The following SYT16 variants were observed in gnomAD, a reference collection of about 807,000 sequenced individuals.
SYT16 encodes the protein synaptotagmin 16.
In SYT16, 42 loss-of-function variants were observed where a neutral mutation model predicts 61.4. That is an observed-to-expected ratio of 0.68 (90% confidence interval 0.53 to 0.89). The LOEUF (loss-of-function observed/expected upper bound fraction) is 0.89. Among genes scored for constraint, SYT16 ranks in the 40% least tolerant of loss-of-function variants. The pLI, the probability that SYT16 is intolerant of heterozygous loss-of-function variation, is 0.00. For missense variants in SYT16, 804 were observed against 807.3 expected, an observed-to-expected ratio of 1.00 and a Z score of 0.05; for synonymous variants, 314 against 302.3, an observed-to-expected ratio of 1.04 and a Z score of -0.40.
chr14:62,058,552 A>G (rs1337683171), intron 3 of SYT16, among the ~76,000 whole-genome samples: 1 of 151,622 alleles, frequency 6.6e-6, no homozygotes, highest in Non-Finnish European at 1.5e-5. Flanking sequence ...TTTAGTAGAG[A>G]TGGGGTTTCA....
chr14:61,892,747 T>TCA (rs2048181596), intron 1 of SYT16, among the ~76,000 whole-genome samples: 2 of 152,122 alleles, frequency 1.3e-5, no homozygotes, highest in African/African-American at 2.4e-5. Context: ...ATCAGAGTGC[T>TCA]GGAGAAGGGG....
At chr14:61,910,956 G>A (rs562530940) in intron 1 of SYT16, among the ~76,000 whole-genome samples, 13 of 152,228 alleles carry the variant, frequency 8.5e-5, no homozygotes, top group East Asian at 5.8e-4. Context: ...TACTGTGTTC[G>A]CTTTCAGTAT....
chr14:61,938,026 A>AACACACACACACAT (rs1555359662), intron 1 of SYT16, among the ~76,000 whole-genome samples: 7 of 135,730 alleles, frequency 5.2e-5, no homozygotes, highest in South Asian at 2.7e-4. Context: ...CCTACCCCGC[A>AACACACACACACAT]ACACACACAC....
At chr14:62,033,355 A>C (rs2054379931) in intron 3 of SYT16, among the ~76,000 whole-genome samples, 1 of 152,208 alleles carries the variant, frequency 6.6e-6, no homozygotes, top group Admixed American at 6.6e-5. Context: ...CATATGAGGG[A>C]TATCTTTCCT....
At chr14:61,890,095 G>A (rs2048064680) in intron 1 of SYT16, among the ~76,000 whole-genome samples, 1 of 152,192 alleles carries the variant, frequency 6.6e-6, no homozygotes, top group South Asian at 2.1e-4. Context: ...TCTACCCTGG[G>A]TTAGGAGGAT....
At chr14:61,895,611 A>AT (rs2048297832) in intron 1 of SYT16, among the ~76,000 whole-genome samples, 1 of 152,122 alleles carries the variant, frequency 6.6e-6, no homozygotes, top group African/African-American at 2.4e-5. Context: ...TATTAGCTGT[A>AT]TTTTACTATT....
chr14:61,861,005 T>C (rs1380925078), intron 1 of SYT16, among the ~76,000 whole-genome samples: 1 of 152,106 alleles, frequency 6.6e-6, no homozygotes, highest in African/African-American at 2.4e-5. Context: ...AGTGGTAGGA[T>C]GGATGGAATC....
rs188001935 is a variant in SYT16 at position 61,971,745 on chromosome 14, T to C, written c.-145+1434T>C. Among the ~76,000 whole-genome samples the C allele has an allele frequency of 9.7e-4, 148 of 152,376 alleles. 1 individual carries two copies. Among genetic ancestry groups the C allele is most frequent in the Non-Finnish European group, 1.8e-3 (122 of 68,036 alleles). ...AATGGGAGAGGTGTAAATTGCAGAT[T>C]TGACAATTGCTTTGGCATTCCTGCT... On this transcript the variant is annotated intron_variant, in intron 2 of 7. Coordinates refer to ENST00000683842, the MANE Select transcript of SYT16 (RefSeq NM_001367656.1).
chr14:61,919,883 ACT>A (rs1219660505), intron 1 of SYT16, among the ~76,000 whole-genome samples: 2 of 1,884 alleles, frequency 1.1e-3, no homozygotes, highest in Non-Finnish European at 1.3e-3. Context: ...CTTGGCCAGA[ACT>A]CTGTCGTGGT....
chr14:62,019,619 T>C (rs1017051323), intron 3 of SYT16, among the ~76,000 whole-genome samples: 1 of 152,232 alleles, frequency 6.6e-6, no homozygotes, highest in Non-Finnish European at 1.5e-5. Flanking sequence ...TTTTGAAATG[T>C]GAAGTTTGGC....
chr14:61,892,129 C>T (rs217667), intron 1 of SYT16, among the ~76,000 whole-genome samples: 40,605 of 151,706 alleles, frequency 0.27, 5,843 homozygotes, highest in East Asian at 0.43. Flanking sequence ...CCTTCTCCTT[C>T]GCCCTGCATC....
intron 3 of SYT16, among the ~76,000 whole-genome samples, chr14:62,026,975 C>A (rs1288964488): frequency 6.6e-6 from 1 of 151,974 alleles, no homozygotes; most frequent in Non-Finnish European, 1.5e-5. Context: ...TAATGCATGT[C>A]TTAAATGTTT....
intron 4 of SYT16, among the ~76,000 whole-genome samples, chr14:62,070,624 G>C (rs1347859141): frequency 6.6e-6 from 1 of 152,160 alleles, no homozygotes; most frequent in Non-Finnish European, 1.5e-5. Context: ...CTATTTCTTT[G>C]TGCTTTCCCA....
chr14:61,968,739 G>A (rs912415893), intron 1 of SYT16, among the ~76,000 whole-genome samples: 1 of 152,182 alleles, frequency 6.6e-6, no homozygotes, highest in East Asian at 1.9e-4. Flanking sequence ...ATAATTTGCC[G>A]AAGCCACACA....
At chr14:61,968,721 G>T (rs1334397433) in intron 1 of SYT16, among the ~76,000 whole-genome samples, 1 of 152,200 alleles carries the variant, frequency 6.6e-6, no homozygotes, top group Non-Finnish European at 1.5e-5. Flanking sequence ...GAAGCACAAA[G>T]AGGTTAAATA....
intron 2 of SYT16, among the ~76,000 whole-genome samples, chr14:61,991,221 A>C (rs1442850896): frequency 6.6e-6 from 1 of 152,056 alleles, no homozygotes; most frequent in East Asian, 1.9e-4. Flanking sequence ...TAGTGATGAG[A>C]TATCATGAAC....
At chr14:61,999,416 T>C (rs1464047930) in intron 3 of SYT16, among the ~76,000 whole-genome samples, 1 of 151,848 alleles carries the variant, frequency 6.6e-6, no homozygotes, top group Non-Finnish European at 1.5e-5. Flanking sequence ...AGTTAATTAC[T>C]ACTTTTTAAA....
intron 1 of SYT16, among the ~76,000 whole-genome samples, chr14:61,835,250 A>AT (rs11378872): frequency 0.26 from 28,832 of 110,338 alleles, 4,271 homozygotes; most frequent in South Asian, 0.36. Flanking sequence ...TGAAAGGTGA[A>AT]TTTTTTTTTT....
At chr14:62,071,512 C>T (rs2056299868) in intron 4 of SYT16, among the ~76,000 whole-genome samples, 1 of 152,174 alleles carries the variant, frequency 6.6e-6, no homozygotes, top group African/African-American at 2.4e-5. Context: ...GAATGAAGTA[C>T]CTGTAGATTT....
Sources: gnomAD v4.1 joint callset for allele counts (sites outside exome capture counted in the v4.1 genomes callset) on GRCh38, gnomAD v4.1.1 for gene constraint, MANE v1.5 for transcripts, NCBI Gene and HGNC (gene_info 2026-07-23, HGNC 2026-07-21) for gene names.